The following GPR137B variants were observed in gnomAD, a reference collection of about 807,000 sequenced individuals.
The protein encoded by GPR137B is integral membrane protein GPR137B.
In GPR137B, 42 loss-of-function variants were observed where a neutral mutation model predicts 42.5. The observed-to-expected ratio is 0.99, with a 90% CI of 0.77 to 1.28. GPR137B has a LOEUF of 1.28. Among genes scored for constraint, GPR137B ranks in the 50% most tolerant of loss-of-function variants. GPR137B has a pLI of 0.00. For synonymous variants in GPR137B, 218 were observed against 209.7 expected (o/e 1.04, Z -0.34); for missense variants, 487 against 493.9 (o/e 0.99, Z 0.13).
At chr1:236,148,857 C>G (rs1661755823) in intron 1 of GPR137B, among the ~76,000 whole-genome samples, 1 of 152,138 alleles carries the variant, frequency 6.6e-6, no homozygotes. Context: ...AGCAGGGTCC[C>G]TGGGTGCAGA....
At chr1:236,145,761 A>C (rs1164723400) in intron 1 of GPR137B, among the ~76,000 whole-genome samples, 1 of 152,234 alleles carries the variant, frequency 6.6e-6, no homozygotes, top group Non-Finnish European at 1.5e-5. Context: ...ACTGAGGCTG[A>C]GAGGTCGTAG....
At position 236,143,041 on chromosome 1, in the gene GPR137B, G is replaced by A. The variant is rs745516079; in HGVS notation, c.414+5G>A. ...ATGAACTTGTACTTCACGCAGGTGA[G>A]TTTCAGAGAGGCTCCTGGAGGCGCT... On this transcript the variant is annotated splice_donor_5th_base_variant and intron_variant, in intron 1 of 6. Coordinates refer to ENST00000366592, the MANE Select transcript of GPR137B (RefSeq NM_003272.4). 1 of 1,600,800 alleles carries A rather than the reference G, an allele frequency of 6.2e-7. No homozygotes were observed. The highest frequency in any genetic ancestry group is 8.5e-7 in the Non-Finnish European group (1 of 1,172,690).
At chr1:236,188,888 A>C (rs1663110704) in intron 5 of GPR137B, among the ~76,000 whole-genome samples, 1 of 152,204 alleles carries the variant, frequency 6.6e-6, no homozygotes, top group African/African-American at 2.4e-5. Context: ...TAGTTTCAGA[A>C]GGAATGGTAC....
At position 236,208,553 on chromosome 1, in the gene GPR137B, T is replaced by C; in HGVS notation, c.*395T>C. 1 of 953,812 alleles carries C rather than the reference T, an allele frequency of 1.0e-6. No homozygotes were observed. The highest frequency in any genetic ancestry group is 1.3e-6 in the Non-Finnish European group (1 of 799,264). 59.1% of individuals were successfully genotyped at this position (953,812 alleles called of 1,614,324 possible). A position where few individuals can be genotyped will look rare whatever the true frequency, so the allele number is the denominator to read the frequency against. ...AAATATAGAATATATGGTCTAATAG[T>C]TTTTTAAAGCTTTTGGACTAAAGTA... On this transcript the variant is annotated 3_prime_UTR_variant, in exon 7 of 7. Coordinates refer to ENST00000366592, the MANE Select transcript of GPR137B (RefSeq NM_003272.4).
At chr1:236,164,004 C>T (rs1385285755) in intron 1 of GPR137B, among the ~76,000 whole-genome samples, 2 of 151,734 alleles carry the variant, frequency 1.3e-5, no homozygotes, top group Non-Finnish European at 2.9e-5. Flanking sequence ...CTCACACCTC[C>T]CATGCCTCCT....
intron 5 of GPR137B, among the ~76,000 whole-genome samples, chr1:236,192,050 G>C (rs1663205263): frequency 6.6e-6 from 1 of 152,186 alleles, no homozygotes; most frequent in Non-Finnish European, 1.5e-5. Context: ...TGGCAGTCTG[G>C]CCACAGTGGC....
chr1:236,202,316 C>T (rs1663515789), intron 5 of GPR137B, among the ~76,000 whole-genome samples: 1 of 152,072 alleles, frequency 6.6e-6, no homozygotes, highest in Non-Finnish European at 1.5e-5. Context: ...TTGTTTTCTC[C>T]TTCCTTGGAG....
intron 3 of GPR137B, among the ~76,000 whole-genome samples, chr1:236,179,356 T>TG (rs1662800895): frequency 6.6e-6 from 1 of 152,184 alleles, no homozygotes; most frequent in African/African-American, 2.4e-5. Context: ...CTTCATAACG[T>TG]GGGGCACAAA....
intron 1 of GPR137B, among the ~76,000 whole-genome samples, chr1:236,151,701 C>T (rs571413673): frequency 2.0e-5 from 3 of 152,218 alleles, no homozygotes; most frequent in Admixed American, 6.5e-5. Context: ...GGATTACAGG[C>T]GTGAGCCACT....
chr1:236,187,524 G>C (rs940712562), intron 5 of GPR137B, among the ~76,000 whole-genome samples: 1 of 152,046 alleles, frequency 6.6e-6, no homozygotes, highest in African/African-American at 2.4e-5. Context: ...GTAAGGAAGG[G>C]GTCCAGTTTC....
rs375427030 is a variant in GPR137B, at chr1:236,161,425, C to T, written c.415-7281C>T. Among the ~76,000 whole-genome samples the T allele has an allele frequency of 4.6e-5, 7 of 151,754 alleles. No homozygotes were observed. In the East Asian group the frequency reaches 5.8e-4, roughly 13 times the overall value. ...GGTTCACACCTCCTCATGCTTCCCA[C>T]GCCTCCATGCACTTTTCACACCTCC... On this transcript the variant is annotated intron_variant, in intron 1 of 6. Coordinates refer to ENST00000366592, the MANE Select transcript of GPR137B (RefSeq NM_003272.4).
intron 4 of GPR137B, among the ~76,000 whole-genome samples, chr1:236,182,238 C>T (rs10924549): frequency 0.076 from 11,594 of 152,136 alleles, 1,314 homozygotes; most frequent in African/African-American, 0.25. Context: ...ATTAAGTACA[C>T]TCAGTGTTGT....
rs181756115 is a variant in GPR137B, at chr1:236,171,247, A to G, written c.464+2492A>G. 4.8e-4 allele frequency among the ~76,000 whole-genome samples: 73 copies of G among 152,296 alleles called. 1 individual carries two copies. Among genetic ancestry groups the G allele is most frequent in the Admixed American group, 4.4e-3 (68 of 15,286 alleles). ...CTCAGAAAGTTTCAGATTTTGGAGC[A>G]TTTCGGATTTTGAATTTTTGGGTTA... On this transcript the variant is annotated intron_variant, in intron 2 of 6. Coordinates refer to ENST00000366592, the MANE Select transcript of GPR137B (RefSeq NM_003272.4). This position sits in a 1 kb window ranked among gnomAD's most constrained non-coding sequence, Gnocchi z 4.4.
chr1:236,203,250 T>C (rs991083331), intron 5 of GPR137B, among the ~76,000 whole-genome samples: 5 of 152,114 alleles, frequency 3.3e-5, no homozygotes, highest in African/African-American at 1.2e-4. Context: ...GCTAATTTTT[T>C]GTATTTTTAG....
At chr1:236,193,585 C>A (rs578109318) in intron 5 of GPR137B, among the ~76,000 whole-genome samples, 1 of 152,174 alleles carries the variant, frequency 6.6e-6, no homozygotes, top group South Asian at 2.1e-4. Flanking sequence ...AATGATATCT[C>A]CTTTTGGCTT....
rs1661570421 is a variant in GPR137B, at chr1:236,143,003, C to T, written c.381C>T (p.Phe127=). The part of the protein sequence containing the change: ...LYCFPVCLQF[F]TLTLMNLYFT... ...GCTTCCCTGTGTGCCTGCAGTTTTT[C>T]ACCCTCACGCTGATGAACTTGTACT... The change falls in exon 1 of 7, where the codon TTC becomes TTT. Residue 127 remains phenylalanine (F), a synonymous_variant. Transcript: ENST00000366592. 3.7e-6 allele frequency: 6 copies of T among 1,613,688 alleles called. No individual in the cohort carries two copies. Among genetic ancestry groups the T allele is most frequent in the Non-Finnish European group, 5.1e-6 (6 of 1,179,896 alleles).
Position 236,188,506 on chromosome 1 carries a change from T to G in GPR137B, c.966+4600T>G, listed in dbSNP as rs143039803. 2.0e-3 allele frequency among the ~76,000 whole-genome samples: 300 copies of G among 152,316 alleles called. 2 individuals are homozygous for G. The highest frequency in any genetic ancestry group is 6.2e-3 in the African/African-American group (257 of 41,580). The stretch of plus-strand genomic sequence containing the variant: ...GAGATACATTCCATCGATACCTAGT[T>G]TATGGAGAGTTTTTACCATGAACGG... On this transcript the variant is annotated intron_variant, in intron 5 of 6. Coordinates refer to ENST00000366592, the MANE Select transcript of GPR137B (RefSeq NM_003272.4).
In GPR137B at chr1:236,208,315, G is replaced by A; in HGVS notation, c.*157G>A. On this transcript the variant is annotated 3_prime_UTR_variant, in exon 7 of 7. Coordinates refer to ENST00000366592, the MANE Select transcript of GPR137B (RefSeq NM_003272.4). ...CCCCATAGGAATAAGCAATAATGTAGACTGATAAACCCTTATTTTAGTACT... is the reference window on the plus strand; with the variant it reads ...CCCCATAGGAATAAGCAATAATGTAAACTGATAAACCCTTATTTTAGTACT... 4.2e-6 allele frequency: 6 copies of A among 1,413,466 alleles called. No homozygotes were observed. The highest frequency in any genetic ancestry group is 5.5e-6 in the Non-Finnish European group (6 of 1,086,198). 87.6% of individuals were successfully genotyped at this position (1,413,466 alleles called of 1,614,324 possible).
intron 5 of GPR137B, 50 bp from the exon 6 acceptor site, chr1:236,205,074 GGT>G: frequency 6.7e-7 from 1 of 1,498,754 alleles, no homozygotes; most frequent in Non-Finnish European, 9.2e-7. Flanking sequence ...ATTTTTGTCT[GGT>G]GCAAGGCATG....
Sources: gnomAD v4.1 joint callset for allele counts (sites outside exome capture counted in the v4.1 genomes callset) on GRCh38, gnomAD v4.1.1 for gene constraint, Gnocchi (gnomAD v3.1) non-coding constraint, MANE v1.5 for transcripts, NCBI Gene and HGNC (gene_info 2026-07-23, HGNC 2026-07-21) for gene names.